Variants in CCDC88C observed in about 807,000 individuals in gnomAD.
CCDC88C encodes protein Daple.
CCDC88C carries 131 observed loss-of-function variants against 198.8 expected under a neutral mutation model. The ratio of observed to expected loss-of-function variants is 0.66; its 90% CI spans 0.57 to 0.76. The LOEUF is 0.76. Among genes scored for constraint, CCDC88C ranks in the 30% least tolerant of loss-of-function variants. The pLI is 0.00. For synonymous variants in CCDC88C, 1,166 were observed against 1,114.7 expected (o/e 1.05, Z -0.92); for missense variants, 2,553 against 2,631.6 (o/e 0.97, Z 0.65).
chr14:91,377,547 C>G (rs1171750934), intron 3 of CCDC88C, among the ~76,000 whole-genome samples: 2 of 151,766 alleles, frequency 1.3e-5, no homozygotes, highest in Non-Finnish European at 2.9e-5. Flanking sequence ...TGCAGATGGC[C>G]CCCCCCCGGT....
Position 91,339,131 on chromosome 14 carries a change from CAA to C in CCDC88C, c.809+145_809+146del. 1.1e-6 allele frequency: 1 copy of C among 946,892 alleles called. No individual in the cohort carries two copies. The highest frequency in any genetic ancestry group is 2.0e-5 in the Admixed American group (1 of 50,144). The allele number at this position is 946,892 out of a possible 1,614,324, so 58.7% of individuals were successfully genotyped here. The stretch of plus-strand genomic sequence containing the variant: ...GAAGGGGAGGCAGCTAGTCCGAGGT[CAA>C]AGAGTAAGCTCAGGGCAGACCCCAG... On this transcript the variant is annotated intron_variant, in intron 8 of 29. Transcript: ENST00000389857. This position sits in a 1 kb window ranked among gnomAD's most constrained non-coding sequence, Gnocchi z 5.8.
intron 21 of CCDC88C, 58 bp from the exon 22 acceptor site, chr14:91,297,549 G>A: frequency 6.6e-7 from 1 of 1,520,872 alleles, no homozygotes; most frequent in South Asian, 1.2e-5. Flanking sequence ...ACAGGTAACG[G>A]CCCAGAGACC....
Position 91,325,931 on chromosome 14 carries a change from G to C in CCDC88C, c.1176C>G (p.Ser392=), listed in dbSNP as rs1892566250. Residue 392 remains serine (S), a synonymous_variant, in exon 11 of 30, where the codon TCC becomes TCG. Transcript: ENST00000389857. This position sits in a 1 kb window ranked among gnomAD's most constrained non-coding sequence, Gnocchi z 4.1. The stretch of plus-strand genomic sequence containing the variant: ...GTACCAATTCCAGGTCGTGAAGCTT[G>C]GATTTCAGCTGCAGGTTCTCCTTTT... ...ELEKENLQLK[S]KLHDLELDRD... is the part of the protein sequence containing the mutation. 2 of 1,553,686 alleles carry C rather than the reference G, an allele frequency of 1.3e-6. No homozygotes were observed. The highest frequency in any genetic ancestry group is 1.7e-6 in the Non-Finnish European group (2 of 1,147,972).
At position 91,278,111 on chromosome 14, in the gene CCDC88C, C is replaced by T. The variant is rs765610723; in HGVS notation, c.4869G>A (p.Pro1623=). 7 of 1,613,150 alleles carry T rather than the reference C, an allele frequency of 4.3e-6. No homozygotes were observed. The highest frequency in any genetic ancestry group is 2.2e-5 in the South Asian group (2 of 90,940). The change falls in exon 29 of 30, where the codon CCG becomes CCA. Residue 1623 remains proline (P), a synonymous_variant. Transcript: ENST00000389857. ...LATLPREAST[P]GRNALGRHEY... is the part of the protein sequence containing the mutation. ...CGTGGCGGCCGAGGGCGTTGCGTCC[C>T]GGTGTGCTGGCTTCCCGGGGCAAAG...
At chr14:91,289,541 G>A (rs1890572454) in intron 24 of CCDC88C, among the ~76,000 whole-genome samples, 198 bp from the exon 25 acceptor site, 1 of 152,142 alleles carries the variant, frequency 6.6e-6, no homozygotes, top group Non-Finnish European at 1.5e-5. Flanking sequence ...TCTCAGTTTG[G>A]CACAGGGCTG....
intron 4 of CCDC88C, among the ~76,000 whole-genome samples, chr14:91,349,974 T>C (rs1378839201): frequency 6.6e-6 from 1 of 152,204 alleles, no homozygotes; most frequent in African/African-American, 2.4e-5. Context: ...ATCACAGCAC[T>C]TTCTGACTTA....
Position 91,338,182 on chromosome 14 carries a change from C to T in CCDC88C, c.892-19G>A. 1.2e-6 allele frequency: 2 copies of T among 1,612,232 alleles called. No homozygotes were observed. Among genetic ancestry groups the T allele is most frequent in the Non-Finnish European group, 1.7e-6 (2 of 1,178,750 alleles). On this transcript the variant is annotated intron_variant, in intron 9 of 29. Transcript: ENST00000389857. This position sits in a 1 kb window ranked among gnomAD's most constrained non-coding sequence, Gnocchi z 4.8. ...GGATGTTCTGCAAGGTGGACAAAGG[C>T]AGGAGAACCTAGCTTAGGGCATCCT...
intron 25 of CCDC88C, chr14:91,285,266 A>C (rs1158221584): frequency 3.9e-5 from 10 of 256,724 alleles, no homozygotes; most frequent in South Asian, 1.1e-4. Context: ...CTTAAAAAAA[A>C]CCCTCACTTG....
chr14:91,274,913 A>G (rs1596010586), intron 29 of CCDC88C, among the ~76,000 whole-genome samples: 1 of 151,910 alleles, frequency 6.6e-6, no homozygotes. Context: ...GCTGCTTTCC[A>G]CTCCACCAGG....
Position 91,382,784 on chromosome 14 carries a change from C to T in CCDC88C, c.271-23073G>A, listed in dbSNP as rs188837731. Among the ~76,000 whole-genome samples the T allele has an allele frequency of 3.9e-5, 6 of 152,356 alleles. No individual in the cohort carries two copies. In the East Asian group the frequency reaches 1.2e-3, roughly 29 times the overall value. ...CTCAAGCGAACACTCCAAACCCAGGCTACGCACCCGCTTTAAAATTCTCTG... is the reference window on the plus strand; with the variant it reads ...CTCAAGCGAACACTCCAAACCCAGGTTACGCACCCGCTTTAAAATTCTCTG... On this transcript the variant is annotated intron_variant, in intron 3 of 29. Coordinates refer to ENST00000389857, the MANE Select transcript of CCDC88C (RefSeq NM_001080414.4).
At chr14:91,401,397 C>T (rs576136900) in intron 3 of CCDC88C, among the ~76,000 whole-genome samples, 60 of 148,794 alleles carry the variant, frequency 4.0e-4, no homozygotes, top group Non-Finnish European at 6.8e-4. Context: ...TGTAGCGGCA[C>T]GATCTTGGCT....
At chr14:91,409,367 A>G (rs150959703) in intron 2 of CCDC88C, among the ~76,000 whole-genome samples, 6 of 151,660 alleles carry the variant, frequency 4.0e-5, no homozygotes, top group Non-Finnish European at 8.8e-5. Context: ...TTTTATAGAG[A>G]CAGGGTCTCA....
In CCDC88C at chr14:91,338,273, G is replaced by C; in HGVS notation, c.892-110C>G. ...CTCCACGACGGCCCAGGACAAGCCA[G>C]CTCCTGGTGGCCGGGGGCCTCCATG... On this transcript the variant is annotated intron_variant, in intron 9 of 29. Coordinates refer to ENST00000389857, the MANE Select transcript of CCDC88C (RefSeq NM_001080414.4). The surrounding 1 kb of genome is among the most constrained non-coding windows in gnomAD (Gnocchi z 4.8). The C allele has an allele frequency of 7.4e-7, 1 of 1,351,942 alleles. No homozygotes were observed. The highest frequency in any genetic ancestry group is 2.4e-5 in the East Asian group (1 of 42,012). The allele number at this position is 1,351,942 out of a possible 1,614,324, so 83.7% of individuals were successfully genotyped here.
intron 4 of CCDC88C, among the ~76,000 whole-genome samples, chr14:91,357,343 C>T (rs1204981059): frequency 6.6e-6 from 1 of 152,230 alleles, no homozygotes; most frequent in African/African-American, 2.4e-5. Context: ...CCTCGACCTC[C>T]TGGGCTTAAG....
At position 91,313,264 on chromosome 14, in the gene CCDC88C, T is replaced by C; in HGVS notation, c.2552A>G (p.Lys851Arg). 1 of 1,614,026 alleles carries C rather than the reference T, an allele frequency of 6.2e-7. No homozygotes were observed. Among genetic ancestry groups the C allele is most frequent in the Non-Finnish European group, 8.5e-7 (1 of 1,179,900 alleles). Reference protein sequence around the residue: ...AKRLWQQVELKDAVLDDSTAK... With the variant: ...AKRLWQQVELRDAVLDDSTAK... ...AGTGCTATCGTCCAAGACTGCATCCTTGAGCTCCACCTGCTGCCACAGCCG... is the reference window on the plus strand; with the variant it reads ...AGTGCTATCGTCCAAGACTGCATCCCTGAGCTCCACCTGCTGCCACAGCCG... Residue 851 changes from lysine (K) to arginine (R), a missense_variant, in exon 15 of 30, where the codon AAG (lysine) becomes AGG (arginine). Lys to Arg is a conservative substitution (Grantham distance 26, BLOSUM62 2). Transcript: ENST00000389857. This position sits in a 1 kb window ranked among gnomAD's most constrained non-coding sequence, Gnocchi z 5.2.
intron 3 of CCDC88C, among the ~76,000 whole-genome samples, chr14:91,360,045 T>C (rs752802481): frequency 1.5e-4 from 23 of 152,084 alleles, no homozygotes; most frequent in Non-Finnish European, 2.9e-4. Flanking sequence ...AAAAAGGCAA[T>C]AGATGACATG....
intron 3 of CCDC88C, among the ~76,000 whole-genome samples, chr14:91,372,159 T>A (rs1415379480): frequency 1.3e-5 from 2 of 152,036 alleles, no homozygotes; most frequent in Admixed American, 1.3e-4. Flanking sequence ...TATGCCACAC[T>A]TCCCGGGCAC....
chr14:91,306,774 C>T (rs1891571210), intron 18 of CCDC88C, among the ~76,000 whole-genome samples: 1 of 152,128 alleles, frequency 6.6e-6, no homozygotes, highest in Non-Finnish European at 1.5e-5. Flanking sequence ...TTTCCCAATC[C>T]CTGGTACTGG....
intron 3 of CCDC88C, among the ~76,000 whole-genome samples, chr14:91,406,959 G>A (rs960159882): frequency 2.6e-5 from 4 of 152,136 alleles, no homozygotes; most frequent in Non-Finnish European, 4.4e-5. Context: ...GAACTAAAGG[G>A]ATGGGGCTGG....
Sources: allele counts gnomAD v4.1 joint callset (sites outside exome capture counted in the v4.1 genomes callset), GRCh38; gene constraint gnomAD v4.1.1; non-coding constraint Gnocchi (gnomAD v3.1); transcripts MANE v1.5; gene names NCBI Gene and HGNC (gene_info 2026-07-23, HGNC 2026-07-21).